Variants in BRF1 observed in about 807,000 individuals in gnomAD.
The protein encoded by BRF1 is transcription factor IIIB 90 kDa subunit.
In BRF1, 59 loss-of-function variants were observed where a neutral mutation model predicts 81.7. The ratio of observed to expected loss-of-function variants is 0.72; its 90% CI spans 0.59 to 0.90. The LOEUF (loss-of-function observed/expected upper bound fraction) is 0.90, where lower values mean the gene tolerates loss of function less well. Ranked by LOEUF, BRF1 falls within the 40% of genes least tolerant of loss-of-function variation. The pLI, the probability that BRF1 is intolerant of heterozygous loss-of-function variation, is 0.00. For missense variants in BRF1, 1,050 were observed against 936.3 expected, an observed-to-expected ratio of 1.12 and a Z score of -1.58; for synonymous variants, 491 against 395.6, an observed-to-expected ratio of 1.24 and a Z score of -2.86.
intron 1 of BRF1, 137 bp downstream of exon 1, chr14:105,300,309 G>T: frequency 1.0e-6 from 1 of 989,538 alleles, no homozygotes; most frequent in Non-Finnish European, 1.4e-6. Context: ...ATCCACACTC[G>T]CGCCCAGACG....
Position 105,222,420 on chromosome 14 carries a change from C to G in BRF1, c.1049-506G>C, listed in dbSNP as rs148892728. 5.4e-3 allele frequency: 834 copies of G among 153,500 alleles called. 3 individuals are homozygous for G. The highest frequency in any genetic ancestry group is 9.0e-3 in the Non-Finnish European group (620 of 68,996). The allele number at this position is 153,500 out of a possible 1,614,324, so 9.5% of individuals were successfully genotyped here. A position where few individuals can be genotyped will look rare whatever the true frequency, so the allele number is the denominator to read the frequency against. On this transcript the variant is annotated intron_variant, in intron 10 of 17. Coordinates refer to ENST00000547530, the MANE Select transcript of BRF1 (RefSeq NM_001519.4). The stretch of plus-strand genomic sequence containing the variant: ...AAAAATGGAAAAAGATCTGAACACT[C>G]CGGCGAAGACGACATATTGGTGTAA...
chr14:105,256,823 G>A (rs1313235047), intron 3 of BRF1, among the ~76,000 whole-genome samples: 1 of 152,182 alleles, frequency 6.6e-6, no homozygotes, highest in Non-Finnish European at 1.5e-5. Flanking sequence ...CCGGGTCGGG[G>A]GAACCAGAAA....
Position 105,210,902 on chromosome 14 carries a change from C to T in BRF1, c.1996+220G>A, listed in dbSNP as rs189463180. ...CTCGTGCTGCTGGCTGGGCGGCCCT[C>T]GTGGTGGGTACCTCACCGTCCCTAG... is the stretch of plus-strand genomic sequence containing the variant. On this transcript the variant is annotated intron_variant, in intron 17 of 17. Coordinates refer to ENST00000547530, the MANE Select transcript of BRF1 (RefSeq NM_001519.4). This position sits in a 1 kb window ranked among gnomAD's most constrained non-coding sequence, Gnocchi z 4.7. 2.8e-3 allele frequency among the ~76,000 whole-genome samples: 422 copies of T among 152,280 alleles called. No homozygotes were observed. The highest frequency in any genetic ancestry group is 4.5e-3 in the Non-Finnish European group (307 of 68,034).
chr14:105,216,880 C>T (rs904501534), intron 15 of BRF1, among the ~76,000 whole-genome samples: 2 of 152,194 alleles, frequency 1.3e-5, no homozygotes, highest in Non-Finnish European at 2.9e-5. Flanking sequence ...CCGCCAACCC[C>T]ATCTCCACTG....
intron 1 of BRF1, 89 bp from the exon 2 acceptor site, chr14:105,286,465 C>CA (rs2057320361): frequency 1.5e-6 from 2 of 1,363,712 alleles, no homozygotes; most frequent in Admixed American, 2.0e-5. Context: ...AAAGTGAGAA[C>CA]AAAGCGGGGG....
At chr14:105,253,881 G>T (rs190051782) in intron 4 of BRF1, among the ~76,000 whole-genome samples, 1 of 152,236 alleles carries the variant, frequency 6.6e-6, no homozygotes, top group African/African-American at 2.4e-5. Context: ...ACTGGGGGGC[G>T]TGTCAGCACA....
At chr14:105,218,954 T>C in intron 14 of BRF1, 44 bp downstream of exon 14, 1 of 1,612,674 alleles carries the variant, frequency 6.2e-7, no homozygotes, top group East Asian at 2.2e-5. Flanking sequence ...CCCCGTAACC[T>C]GGACACCCCC....
chr14:105,241,473 G>A (rs1381695903), intron 5 of BRF1, 59 bp from the exon 6 acceptor site: 45 of 1,598,130 alleles, frequency 2.8e-5, no homozygotes, highest in East Asian at 1.6e-4. Flanking sequence ...GTGCACAGGC[G>A]GCCCACGCAG....
chr14:105,277,568 C>G (rs2735832), intron 2 of BRF1, among the ~76,000 whole-genome samples: 1,645 of 71,802 alleles, frequency 0.023, 138 homozygotes, highest in African/African-American at 0.065. Context: ...AGCTGAGAGG[C>G]GGCCCTCACT....
chr14:105,278,694 C>T (rs1252340628), intron 2 of BRF1, among the ~76,000 whole-genome samples: 2 of 151,778 alleles, frequency 1.3e-5, no homozygotes, highest in African/African-American at 4.8e-5. Context: ...TCACTGGAGC[C>T]CAGGAGTTGA....
intron 10 of BRF1, among the ~76,000 whole-genome samples, chr14:105,224,984 G>C (rs1225050299): frequency 2.0e-5 from 3 of 152,246 alleles, no homozygotes; most frequent in Non-Finnish European, 4.4e-5. Flanking sequence ...GCAGCTGTCA[G>C]TGGACGATGA....
chr14:105,266,081 AAAAC>A (rs1283328407), intron 3 of BRF1, among the ~76,000 whole-genome samples: 2 of 151,852 alleles, frequency 1.3e-5, no homozygotes, highest in Non-Finnish European at 2.9e-5. Context: ...AAAAAAAAAC[AAAAC>A]AAACAAAAAA....
At chr14:105,211,374 G>T in intron 16 of BRF1, 81 bp from the exon 17 acceptor site, 1 of 1,317,462 alleles carries the variant, frequency 7.6e-7, no homozygotes, top group Non-Finnish European at 1.0e-6. Context: ...CACCAGGGCT[G>T]GCCCAGGATG....
rs1889855996 is a variant in BRF1 at position 105,209,636 on chromosome 14, T to G, written c.*915A>C. On this transcript the variant is annotated 3_prime_UTR_variant, in exon 18 of 18. Transcript: ENST00000547530. ...CTGGGGAGGCTCTCGGGCCTCCGTC[T>G]GCCCTCCCTCCTCGATGGGGGGCCT... 1 of 692,728 alleles carries G rather than the reference T, an allele frequency of 1.4e-6. No homozygotes were observed. Among genetic ancestry groups the G allele is most frequent in the Admixed American group, 2.0e-5 (1 of 49,038 alleles). 42.9% of individuals were successfully genotyped at this position (692,728 alleles called of 1,614,324 possible). A position where few individuals can be genotyped will look rare whatever the true frequency, so the allele number is the denominator to read the frequency against.
At chr14:105,226,925 A>G (rs1397302077) in intron 7 of BRF1, 165 bp from the exon 8 acceptor site, 1 of 899,290 alleles carries the variant, frequency 1.1e-6, no homozygotes, top group Non-Finnish European at 1.7e-6. Flanking sequence ...CCTAGGCAAC[A>G]CAGTGAGACT....
chr14:105,286,364 G>T lies in BRF1; in HGVS notation c.197C>A (p.Thr66Asn), dbSNP rs779492867. The stretch of plus-strand genomic sequence containing the variant: ...GTGGAAGCCGCCACCCAGAGTCGGG[G>T]TTTTGCCAGCACCTGGAAACACAAA... ...QFVSLDGAGK[T>N]PTLGGGFHVN... is the part of the protein sequence containing the mutation. The change falls in exon 2 of 18, where the codon ACC (threonine) becomes AAC (asparagine). Residue 66 changes from threonine (T) to asparagine (N), a missense_variant. Coordinates refer to ENST00000547530, the MANE Select transcript of BRF1 (RefSeq NM_001519.4). 51 of 1,613,052 alleles carry T rather than the reference G, an allele frequency of 3.2e-5. No individual in the cohort carries two copies. Among genetic ancestry groups the T allele is most frequent in the Non-Finnish European group, 4.2e-5 (50 of 1,179,672 alleles).
chr14:105,255,582 T>G (rs1012388580), intron 4 of BRF1, among the ~76,000 whole-genome samples: 3 of 152,186 alleles, frequency 2.0e-5, no homozygotes, highest in Non-Finnish European at 4.4e-5. Context: ...ACAACTGTTT[T>G]CAATATTTCT....
Position 105,217,461 on chromosome 14 carries a change from C to T in BRF1, c.1772+83G>A, listed in dbSNP as rs1006562133. 7.1e-6 allele frequency: 11 copies of T among 1,556,756 alleles called. No homozygotes were observed. The Admixed American group carries it at 1.6e-4, about 23-fold the overall frequency. On this transcript the variant is annotated intron_variant, in intron 15 of 17. Transcript: ENST00000547530. ...CACTTCTGTGGCCCCGGCTGGCCCC[C>T]GGCAGCTCCAGGACCCGAAGCCATG...
intron 3 of BRF1, among the ~76,000 whole-genome samples, chr14:105,264,666 C>CAAAAAAAAA (rs56970432): frequency 1.6e-5 from 1 of 60,794 alleles, no homozygotes; most frequent in Non-Finnish European, 3.0e-5. Flanking sequence ...GACTCCATCT[C>CAAAAAAAAA]AAAAAAAAAA....
Sources: allele counts gnomAD v4.1 joint callset (sites outside exome capture counted in the v4.1 genomes callset), GRCh38; gene constraint gnomAD v4.1.1; non-coding constraint Gnocchi (gnomAD v3.1); transcripts MANE v1.5; gene names NCBI Gene and HGNC (gene_info 2026-07-23, HGNC 2026-07-21).